The following SLC4A4 variants were observed in gnomAD, a reference collection of about 807,000 sequenced individuals.
SLC4A4 encodes solute carrier family 4 member 4.
SLC4A4 carries 27 observed loss-of-function variants against 111.5 expected under a neutral mutation model. That is an observed-to-expected ratio of 0.24 (90% CI 0.18 to 0.33). The LOEUF (loss-of-function observed/expected upper bound fraction) is 0.33. Among genes scored for constraint, SLC4A4 ranks in the 10% least tolerant of loss-of-function variants. The pLI, the probability that SLC4A4 is intolerant of heterozygous loss-of-function variation, is 1.00. For synonymous variants in SLC4A4, 443 were observed against 463.4 expected, an observed-to-expected ratio of 0.96 and a Z score of 0.57; for missense variants, 909 against 1,315.5, an observed-to-expected ratio of 0.69 and a Z score of 4.78.
intron 2 of SLC4A4, among the ~76,000 whole-genome samples, chr4:71,139,512 G>A (rs147580512): frequency 3.3e-5 from 5 of 152,132 alleles, no homozygotes; most frequent in South Asian, 4.2e-4. Flanking sequence ...AAATACTTCC[G>A]ACCCTGTGGG....
intron 23 of SLC4A4, among the ~76,000 whole-genome samples, chr4:71,563,386 C>T (rs554716511): frequency 5.3e-5 from 8 of 151,672 alleles, no homozygotes; most frequent in South Asian, 2.1e-4. Flanking sequence ...TATCTAGAGA[C>T]GGAATCAGCA....
At chr4:71,369,046 G>T (rs149935115) in intron 6 of SLC4A4, among the ~76,000 whole-genome samples, 158 of 152,206 alleles carry the variant, frequency 1.0e-3, no homozygotes, top group Non-Finnish European at 1.5e-3. Flanking sequence ...ACTAAAGTGC[G>T]CAGCCCGCTT....
rs982497175 is a variant in SLC4A4, at chr4:71,339,416, T to C, written c.300T>C (p.Asp100=). 17 of 1,614,152 alleles carry C rather than the reference T, an allele frequency of 1.1e-5. No homozygotes were observed. Among genetic ancestry groups the C allele is most frequent in the Non-Finnish European group, 1.4e-5 (17 of 1,180,024 alleles). ...ERIRFILGEE[D]DSPAPPQLFT... Reference sequence around the variant, plus strand: ...TCCGATTCATCTTGGGAGAGGAGGATGACAGCCCAGCTCCCCCTCAGCTCT... The same window carrying C: ...TCCGATTCATCTTGGGAGAGGAGGACGACAGCCCAGCTCCCCCTCAGCTCT... Residue 100 remains aspartate, a synonymous_variant, in exon 4 of 26, where the codon GAT becomes GAC. Coordinates refer to ENST00000264485, the MANE Select transcript of SLC4A4 (RefSeq NM_001098484.3).
chr4:71,512,069 C>T (rs1039516619), intron 16 of SLC4A4, among the ~76,000 whole-genome samples: 5 of 152,102 alleles, frequency 3.3e-5, no homozygotes, highest in South Asian at 2.1e-4. Flanking sequence ...AATGGTGCTG[C>T]GGTAAACACG....
At chr4:71,511,586 G>A (rs574223199) in intron 16 of SLC4A4, among the ~76,000 whole-genome samples, 1 of 151,918 alleles carries the variant, frequency 6.6e-6, no homozygotes, top group Admixed American at 6.5e-5. Flanking sequence ...ACAAATTTAT[G>A]GGGTATGTGT....
chr4:71,169,697 C>G (rs1172690794), intron 2 of SLC4A4, among the ~76,000 whole-genome samples: 1 of 151,988 alleles, frequency 6.6e-6, no homozygotes, highest in Non-Finnish European at 1.5e-5. Flanking sequence ...TATAATGAAC[C>G]GAAATATATT....
At chr4:71,533,478 A>G (rs897894013) in intron 17 of SLC4A4, among the ~76,000 whole-genome samples, 1 of 151,982 alleles carries the variant, frequency 6.6e-6, no homozygotes, top group Non-Finnish European at 1.5e-5. Flanking sequence ...TTAGTTTTTT[A>G]TTTGCATTGT....
chr4:71,198,133 G>T (rs1456736137), intron 1 of SLC4A4, among the ~76,000 whole-genome samples: 1 of 152,154 alleles, frequency 6.6e-6, no homozygotes, highest in Non-Finnish European at 1.5e-5. Context: ...GATAACACTG[G>T]ATTTTATGTA....
At chr4:71,334,820 T>C (rs530286278) in intron 3 of SLC4A4, among the ~76,000 whole-genome samples, 1 of 152,286 alleles carries the variant, frequency 6.6e-6, no homozygotes, top group South Asian at 2.1e-4. Context: ...TTTGCTAAAT[T>C]GAGAATGCCA....
At chr4:71,083,992 C>G (rs1742070193) in intron 1 of SLC4A4, among the ~76,000 whole-genome samples, 1 of 151,608 alleles carries the variant, frequency 6.6e-6, no homozygotes, top group Non-Finnish European at 1.5e-5. Flanking sequence ...TGCCTCTTGG[C>G]TGGAGCTGTC....
chr4:71,369,415 A>G (rs1430052777), intron 6 of SLC4A4, among the ~76,000 whole-genome samples: 1 of 152,134 alleles, frequency 6.6e-6, no homozygotes, highest in Admixed American at 6.5e-5. Context: ...TGGGGCTGGC[A>G]CTGGCAGCCC....
At chr4:71,154,587 G>T (rs1195266819) in intron 2 of SLC4A4, among the ~76,000 whole-genome samples, 1 of 152,164 alleles carries the variant, frequency 6.6e-6, no homozygotes, top group Non-Finnish European at 1.5e-5. Context: ...GGGATTGATA[G>T]AATTGGGTAA....
At chr4:71,115,615 G>A (rs73826341) in intron 2 of SLC4A4, among the ~76,000 whole-genome samples, 5,265 of 152,092 alleles carry the variant, frequency 0.035, 303 homozygotes, top group African/African-American at 0.12. Flanking sequence ...AGGTTTAGAG[G>A]GCAATGTGCT....
chr4:71,415,710 G>A (rs902002965), intron 7 of SLC4A4, among the ~76,000 whole-genome samples: 10 of 152,124 alleles, frequency 6.6e-5, no homozygotes, highest in African/African-American at 2.4e-4. Flanking sequence ...GTGTCATGCT[G>A]GATTCTTCCT....
At chr4:71,340,326 C>T (rs921478375) in intron 4 of SLC4A4, among the ~76,000 whole-genome samples, 81 of 152,244 alleles carry the variant, frequency 5.3e-4, no homozygotes, top group African/African-American at 1.8e-3. Context: ...TTCATGGTTT[C>T]GGTTACTCAC....
At chr4:71,231,566 CG>C (rs1432666635) in intron 1 of SLC4A4, among the ~76,000 whole-genome samples, 1 of 152,156 alleles carries the variant, frequency 6.6e-6, no homozygotes, top group Non-Finnish European at 1.5e-5. Flanking sequence ...ATAACTTGTA[CG>C]GTCAGAGGCC....
chr4:71,415,642 A>G (rs889176381), intron 7 of SLC4A4, among the ~76,000 whole-genome samples: 3 of 152,182 alleles, frequency 2.0e-5, no homozygotes, highest in African/African-American at 7.2e-5. Context: ...TTGGTGAAAT[A>G]TTTGCTTTTA....
chr4:71,083,967 T>C (rs960077691), intron 1 of SLC4A4, among the ~76,000 whole-genome samples: 23 of 151,938 alleles, frequency 1.5e-4, no homozygotes, highest in African/African-American at 5.6e-4. Flanking sequence ...GTGGGATCTA[T>C]GTAAGATCTA....
rs532007768 is a variant in SLC4A4, at chr4:71,308,883, G to A, written c.254-30487G>A. On this transcript the variant is annotated intron_variant, in intron 3 of 25. Coordinates refer to ENST00000264485, the MANE Select transcript of SLC4A4 (RefSeq NM_001098484.3). Reference sequence around the variant, plus strand: ...CTAGGAACCCCAGTGAGACAAAACCGTTTTCTCCCCTAGAAAGGGGGCTGA... The same window carrying A: ...CTAGGAACCCCAGTGAGACAAAACCATTTTCTCCCCTAGAAAGGGGGCTGA... 6.6e-5 allele frequency among the ~76,000 whole-genome samples: 10 copies of A among 152,232 alleles called. No homozygotes were observed. In the South Asian group the frequency reaches 1.5e-3, roughly 22 times the overall value.
Sources: allele counts gnomAD v4.1 joint callset (sites outside exome capture counted in the v4.1 genomes callset), GRCh38; gene constraint gnomAD v4.1.1; transcripts MANE v1.5; gene names NCBI Gene and HGNC (gene_info 2026-07-23, HGNC 2026-07-21).